Variants in THADA observed in about 807,000 individuals in gnomAD.
THADA encodes the protein tRNA (32-2'-O)-methyltransferase regulator THADA.
Under a neutral mutation model 219.8 loss-of-function variants are expected in THADA, and 213 were observed. That is an observed-to-expected ratio of 0.97 (90% CI 0.87 to 1.09). The LOEUF is 1.09. Among genes scored for constraint, THADA ranks in the 50% least tolerant of loss-of-function variants. The pLI, the probability that THADA is intolerant of heterozygous loss-of-function variation, is 0.00. For synonymous variants in THADA, 1,018 were observed against 828.9 expected (o/e 1.23, Z -3.92); for missense variants, 2,956 against 2,311.3 (o/e 1.28, Z -5.72).
At position 43,572,898 on chromosome 2, in the gene THADA, T is replaced by C; in HGVS notation, c.1824A>G (p.Gly608=). 1.1e-5 allele frequency: 18 copies of C among 1,613,938 alleles called. No homozygotes were observed. Among genetic ancestry groups the C allele is most frequent in the Non-Finnish European group, 1.5e-5 (18 of 1,179,852 alleles). The change falls in exon 12 of 38, where the codon GGA becomes GGG. Residue 608 remains glycine (G), a synonymous_variant. Transcript: ENST00000405975. ...AGGTATCAGTTGCAGACTGAAGATG[T>C]CCATGAGCTCTAGCTATTCGCAGAC... ...MACLRIARAH[G]HLQSATDTWE...
chr2:43,476,123 A>G (rs915730386), intron 26 of THADA, among the ~76,000 whole-genome samples: 13 of 152,294 alleles, frequency 8.5e-5, no homozygotes, highest in African/African-American at 2.9e-4. Flanking sequence ...TAGTGGATCT[A>G]TTTCTATCAC....
intron 36 of THADA, among the ~76,000 whole-genome samples, chr2:43,248,629 T>G (rs1246662565): frequency 5.9e-5 from 9 of 152,224 alleles, no homozygotes; most frequent in Admixed American, 5.2e-4. Context: ...TAATTCAGAT[T>G]AGAAATTTGC....
intron 28 of THADA, among the ~76,000 whole-genome samples, chr2:43,413,352 C>G (rs1676532808): frequency 2.6e-5 from 4 of 152,092 alleles, no homozygotes; most frequent in Admixed American, 2.6e-4. Flanking sequence ...ACCAGTGAGG[C>G]TAAGAGGGCT....
At chr2:43,471,193 A>T (rs1684862499) in intron 26 of THADA, among the ~76,000 whole-genome samples, 1 of 152,212 alleles carries the variant, frequency 6.6e-6, no homozygotes. Context: ...CAAAATAAAA[A>T]TATTGACAAT....
chr2:43,433,455 G>A (rs1679643235), intron 26 of THADA, among the ~76,000 whole-genome samples: 1 of 151,894 alleles, frequency 6.6e-6, no homozygotes, highest in African/African-American at 2.4e-5. Context: ...CTTGAACCTG[G>A]GAGGCAGAGG....
intron 30 of THADA, among the ~76,000 whole-genome samples, chr2:43,334,320 G>A (rs373794091): frequency 6.6e-6 from 1 of 152,102 alleles, no homozygotes; most frequent in Non-Finnish European, 1.5e-5. Context: ...CTGCATGGGG[G>A]TGTGAAGGGC....
chr2:43,535,531 A>G (rs1025383505), intron 21 of THADA, among the ~76,000 whole-genome samples: 2 of 151,660 alleles, frequency 1.3e-5, no homozygotes, highest in African/African-American at 2.4e-5. Context: ...AAATACAAAA[A>G]TTAGCCAGGC....
At chr2:43,474,515 C>T (rs915670541) in intron 26 of THADA, among the ~76,000 whole-genome samples, 2 of 152,156 alleles carry the variant, frequency 1.3e-5, no homozygotes, top group African/African-American at 4.8e-5. Flanking sequence ...GTCTGTACTC[C>T]CCTTAGTACT....
intron 29 of THADA, among the ~76,000 whole-genome samples, chr2:43,380,796 G>C (rs978301010): frequency 6.6e-6 from 1 of 152,104 alleles, no homozygotes; most frequent in Non-Finnish European, 1.5e-5. Flanking sequence ...AGAACATCTT[G>C]TTCCAGAAAG....
chr2:43,594,579 C>T (rs1205504932), intron 1 of THADA, among the ~76,000 whole-genome samples: 2 of 133,476 alleles, frequency 1.5e-5, no homozygotes, highest in African/African-American at 6.1e-5. Flanking sequence ...AGCGAAACTC[C>T]ATCTCAAATA....
intron 36 of THADA, among the ~76,000 whole-genome samples, chr2:43,272,223 C>T: frequency 6.6e-6 from 1 of 152,270 alleles, no homozygotes; most frequent in South Asian, 2.1e-4. Flanking sequence ...GGAGGAGCGG[C>T]AGGGGCTGGA....
intron 22 of THADA, among the ~76,000 whole-genome samples, chr2:43,526,517 C>A (rs1028582887): frequency 8.5e-5 from 13 of 152,172 alleles, no homozygotes; most frequent in African/African-American, 3.1e-4. Flanking sequence ...TTCCATGAAG[C>A]CCTACCAGCC....
At chr2:43,443,251 T>G (rs1048385358) in intron 26 of THADA, among the ~76,000 whole-genome samples, 1 of 152,086 alleles carries the variant, frequency 6.6e-6, no homozygotes, top group African/African-American at 2.4e-5. Context: ...AAGGACAGAG[T>G]CCTTAAGACA....
At chr2:43,546,200 T>C (rs1159628859) in intron 20 of THADA, among the ~76,000 whole-genome samples, 1 of 152,102 alleles carries the variant, frequency 6.6e-6, no homozygotes, top group Non-Finnish European at 1.5e-5. Context: ...TTCTTAATCC[T>C]GAGTTCTAGT....
At chr2:43,426,181 G>C (rs1346919130) in intron 28 of THADA, among the ~76,000 whole-genome samples, 2 of 152,032 alleles carry the variant, frequency 1.3e-5, no homozygotes, top group African/African-American at 4.8e-5. Flanking sequence ...TGGATACTTT[G>C]AATATAATGA....
Position 43,528,018 on chromosome 2 carries a change from G to A in THADA, c.3265-30C>T, listed in dbSNP as rs557708918. 8.2e-5 allele frequency: 125 copies of A among 1,526,448 alleles called. No homozygotes were observed. In the East Asian group the frequency reaches 2.0e-3, roughly 24 times the overall value. 94.6% of individuals were successfully genotyped at this position (1,526,448 alleles called of 1,614,324 possible). ...AAAAAAAAAGCAAAAACAAATGTCC[G>A]ATTTATGTTTACATTCGCAAGTGTA... On this transcript the variant is annotated intron_variant, in intron 21 of 37. Transcript: ENST00000405975.
intron 20 of THADA, among the ~76,000 whole-genome samples, chr2:43,544,783 A>G (rs540655841): frequency 7.3e-5 from 11 of 151,722 alleles, no homozygotes; most frequent in East Asian, 1.9e-4. Context: ...GGGCTGAGAA[A>G]ATGGGGTTTT....
chr2:43,577,916 TGA>T (rs1700027426), intron 9 of THADA, among the ~76,000 whole-genome samples: 1 of 152,072 alleles, frequency 6.6e-6, no homozygotes, highest in Admixed American at 6.6e-5. Context: ...AAGATACTAA[TGA>T]GAGATGACAC....
intron 30 of THADA, among the ~76,000 whole-genome samples, chr2:43,330,198 G>C (rs185476022): frequency 6.6e-6 from 1 of 152,204 alleles, no homozygotes. Flanking sequence ...GACTCTCCTT[G>C]TGGTTACCCA....
Sources: gnomAD v4.1 joint callset for allele counts (sites outside exome capture counted in the v4.1 genomes callset) on GRCh38, gnomAD v4.1.1 for gene constraint, MANE v1.5 for transcripts, NCBI Gene and HGNC (gene_info 2026-07-23, HGNC 2026-07-21) for gene names.